Variants in OR6N1 observed in about 807,000 individuals in gnomAD.
OR6N1 encodes olfactory receptor family 6 subfamily N member 1.
For missense variants in OR6N1, 394 were observed against 371.7 expected, an observed-to-expected ratio of 1.06 and a Z score of -0.49; for synonymous variants, 170 against 150.7, an observed-to-expected ratio of 1.13 and a Z score of -0.94.
chr1:158,799,576 C>T, the OR6N1 span, among the ~76,000 whole-genome samples: 1 of 152,168 alleles, frequency 6.6e-6, no homozygotes, highest in Non-Finnish European at 1.5e-5. Flanking sequence ...TTAGAATCTA[C>T]CTACTAACTA....
the OR6N1 span, among the ~76,000 whole-genome samples, chr1:158,810,366 C>T: frequency 2.0e-5 from 3 of 152,106 alleles, no homozygotes; most frequent in Non-Finnish European, 4.4e-5. Flanking sequence ...ATCCTTTCTA[C>T]CCCAAGATAC....
the OR6N1 span, among the ~76,000 whole-genome samples, chr1:158,806,635 A>T: frequency 1.3e-5 from 2 of 152,188 alleles, no homozygotes; most frequent in Non-Finnish European, 2.9e-5. Flanking sequence ...GCTGAGACTA[A>T]CTTGCTTATG....
In OR6N1 at chr1:158,765,551, G is replaced by T; in HGVS notation, c.*193C>A. On this transcript the variant is annotated 3_prime_UTR_variant, in exon 2 of 2. Coordinates refer to ENST00000641846, the MANE Select transcript of OR6N1 (RefSeq NM_001005185.2). ...GGGATGTGTACTTTCCCTAGTCTCT[G>T]GTCTCAAGCCAAATGTGGCTCCAGC... 1 of 554,588 alleles carries T rather than the reference G, an allele frequency of 1.8e-6. No individual in the cohort carries two copies. Among genetic ancestry groups the T allele is most frequent in the South Asian group, 2.6e-5 (1 of 38,266 alleles). 34.4% of individuals were successfully genotyped at this position (554,588 alleles called of 1,614,324 possible).
At chr1:158,796,757 A>T in the OR6N1 span, among the ~76,000 whole-genome samples, 1 of 150,950 alleles carries the variant, frequency 6.6e-6, no homozygotes, top group Non-Finnish European at 1.5e-5. Flanking sequence ...GGAGCTCATG[A>T]TTTTCTGTTT....
chr1:158,781,887 T>C, the OR6N1 span, among the ~76,000 whole-genome samples: 1 of 152,230 alleles, frequency 6.6e-6, no homozygotes, highest in African/African-American at 2.4e-5. Context: ...CTCTGTGAAG[T>C]TGGTGTGATT....
At chr1:158,767,518 T>A (rs539782889) in intron 1 of OR6N1, among the ~76,000 whole-genome samples, 2 of 152,300 alleles carry the variant, frequency 1.3e-5, no homozygotes, top group African/African-American at 4.8e-5. Flanking sequence ...GTAACAATAA[T>A]TGATTATTTT....
At chr1:158,804,592 G>T in the OR6N1 span, among the ~76,000 whole-genome samples, 1 of 152,116 alleles carries the variant, frequency 6.6e-6, no homozygotes, top group South Asian at 2.1e-4. Context: ...AACAGCATAT[G>T]CTTACTAAAA....
chr1:158,769,160 T>TTTA (rs368084077), intron 1 of OR6N1, among the ~76,000 whole-genome samples: 5,784 of 151,728 alleles, frequency 0.038, 356 homozygotes, highest in African/African-American at 0.13. Context: ...GAACACATAA[T>TTTA]TTATTATTAT....
chr1:158,824,522 G>A, the OR6N1 span, among the ~76,000 whole-genome samples: 3 of 152,170 alleles, frequency 2.0e-5, no homozygotes, highest in Non-Finnish European at 4.4e-5. Flanking sequence ...ATGTGGTGAT[G>A]AAAAGAACTC....
At chr1:158,792,442 T>C in the OR6N1 span, among the ~76,000 whole-genome samples, 2 of 152,182 alleles carry the variant, frequency 1.3e-5, no homozygotes, top group African/African-American at 4.8e-5. Flanking sequence ...ATCATGCTGT[T>C]ACCTAGTGAC....
the OR6N1 span, among the ~76,000 whole-genome samples, chr1:158,792,681 A>T: frequency 1.3e-5 from 2 of 152,168 alleles, no homozygotes; most frequent in African/African-American, 4.8e-5. Context: ...CAGTACAGTT[A>T]TTCTGTTTAA....
At chr1:158,820,839 A>G in the OR6N1 span, among the ~76,000 whole-genome samples, 1 of 152,188 alleles carries the variant, frequency 6.6e-6, no homozygotes, top group African/African-American at 2.4e-5. Flanking sequence ...TGTTTTGGCC[A>G]TGGCCTGGAA....
the OR6N1 span, among the ~76,000 whole-genome samples, chr1:158,825,285 A>G: frequency 6.6e-6 from 1 of 152,174 alleles, no homozygotes; most frequent in East Asian, 1.9e-4. Flanking sequence ...TAACAATACA[A>G]AAAATTAGCC....
the OR6N1 span, among the ~76,000 whole-genome samples, chr1:158,829,052 G>A: frequency 6.6e-6 from 1 of 152,178 alleles, no homozygotes; most frequent in African/African-American, 2.4e-5. Flanking sequence ...CACAGCACAG[G>A]GACCCTGGGC....
chr1:158,790,489 C>T, the OR6N1 span, among the ~76,000 whole-genome samples: 23 of 150,804 alleles, frequency 1.5e-4, no homozygotes, highest in Non-Finnish European at 1.5e-5. Flanking sequence ...ACTGCAAGCT[C>T]CGCCTCCCGG....
the OR6N1 span, among the ~76,000 whole-genome samples, chr1:158,819,990 C>T: frequency 6.6e-6 from 1 of 152,162 alleles, no homozygotes; most frequent in Non-Finnish European, 1.5e-5. Flanking sequence ...GAGCTGACAG[C>T]CATGAACAGA....
chr1:158,797,264 C>T, the OR6N1 span, among the ~76,000 whole-genome samples: 3 of 152,174 alleles, frequency 2.0e-5, no homozygotes, highest in African/African-American at 7.2e-5. Context: ...TGCCAGGAAA[C>T]CCAAGATGTT....
the OR6N1 span, among the ~76,000 whole-genome samples, chr1:158,818,777 A>T: frequency 6.6e-5 from 10 of 152,070 alleles, no homozygotes; most frequent in Non-Finnish European, 1.5e-4. Context: ...CCCAGTCTAG[A>T]TTTTTTGCTT....
At chr1:158,829,137 C>A in the OR6N1 span, among the ~76,000 whole-genome samples, 1 of 152,192 alleles carries the variant, frequency 6.6e-6, no homozygotes, top group East Asian at 1.9e-4. Flanking sequence ...ACGTCCCTGA[C>A]ACGCCCTGGA....
Sources: gnomAD v4.1 joint callset for allele counts (sites outside exome capture counted in the v4.1 genomes callset) on GRCh38, gnomAD v4.1.1 for gene constraint, MANE v1.5 for transcripts, NCBI Gene and HGNC (gene_info 2026-07-23, HGNC 2026-07-21) for gene names.